UNC5C: variants seen among roughly 807,000 people sequenced by gnomAD.
UNC5C encodes the protein netrin receptor UNC5C.
In UNC5C, 47 loss-of-function variants were observed where a neutral mutation model predicts 99.8. The ratio of observed to expected loss-of-function variants is 0.47; its 90% confidence interval spans 0.37 to 0.60. UNC5C has a LOEUF of 0.60. Among genes scored for constraint, UNC5C ranks in the 20% least tolerant of loss-of-function variants. The pLI, the probability that UNC5C is intolerant of heterozygous loss-of-function variation, is 0.00. For synonymous variants in UNC5C, 487 were observed against 452.2 expected, an observed-to-expected ratio of 1.08 and a Z score of -0.98; for missense variants, 1,062 against 1,165.9, an observed-to-expected ratio of 0.91 and a Z score of 1.30.
intron 1 of UNC5C, among the ~76,000 whole-genome samples, chr4:95,409,289 A>T (rs1173710078): frequency 6.6e-6 from 1 of 152,148 alleles, no homozygotes; most frequent in African/African-American, 2.4e-5. Flanking sequence ...AAATGAAAAT[A>T]TGACTCAGGA....
At chr4:95,377,985 C>G (rs1413273419) in intron 1 of UNC5C, among the ~76,000 whole-genome samples, 1 of 152,120 alleles carries the variant, frequency 6.6e-6, no homozygotes, top group African/African-American at 2.4e-5. Flanking sequence ...TCCTTCCCCA[C>G]CCTCCTTCCA....
chr4:95,303,997 A>C (rs1741967734), intron 2 of UNC5C, among the ~76,000 whole-genome samples: 1 of 152,192 alleles, frequency 6.6e-6, no homozygotes. Flanking sequence ...GACTAAACAC[A>C]CTCAGGGAAA....
chr4:95,507,416 TG>T (rs1377810439), intron 1 of UNC5C, among the ~76,000 whole-genome samples: 2 of 152,094 alleles, frequency 1.3e-5, no homozygotes, highest in Non-Finnish European at 2.9e-5. Context: ...CCCCTCTTCC[TG>T]GTTCTCTTTT....
chr4:95,469,567 A>T (rs891384952), intron 1 of UNC5C, among the ~76,000 whole-genome samples: 15 of 119,530 alleles, frequency 1.3e-4, no homozygotes, highest in Admixed American at 3.1e-4. Context: ...ACGGTTTCAC[A>T]TATTTCCTTT....
At position 95,185,112 on chromosome 4, in the gene UNC5C, G is replaced by T. The variant is rs1339815696; in HGVS notation, c.2221C>A (p.Leu741Met). The change falls in exon 13 of 16, where the codon CTG (leucine) becomes ATG (methionine). Residue 741 changes from leucine to methionine, a missense_variant. By Grantham distance (15) the Leu-to-Met change is conservative. This residue lies in a region of UNC5C where 810 missense variants were observed against 854.5 expected (regional missense o/e 0.95). Coordinates refer to ENST00000453304, the MANE Select transcript of UNC5C (RefSeq NM_003728.4). ...ALHFKGSTHN[L>M]RLSIHDIAHS... ...GCGATATCGTGAATTGACAGGCGCA[G>T]GTTGTGGGTGCTGCCTTTAAAATGA... is the stretch of plus-strand genomic sequence containing the variant. The T allele has an allele frequency of 5.6e-6, 9 of 1,613,972 alleles. No individual in the cohort carries two copies. Among genetic ancestry groups the T allele is most frequent in the Non-Finnish European group, 7.6e-6 (9 of 1,180,046 alleles).
At chr4:95,268,367 T>G (rs551368317) in intron 4 of UNC5C, among the ~76,000 whole-genome samples, 1 of 152,236 alleles carries the variant, frequency 6.6e-6, no homozygotes, top group South Asian at 2.1e-4. Context: ...AAAAGGGCAA[T>G]GTAATGTTTT....
intron 10 of UNC5C, among the ~76,000 whole-genome samples, chr4:95,213,233 T>C (rs931697596): frequency 7.2e-5 from 11 of 152,244 alleles, no homozygotes; most frequent in African/African-American, 2.7e-4. Context: ...CTTTCATATC[T>C]TCAATTCCAA....
chr4:95,232,950 A>T (rs985883647), intron 7 of UNC5C, among the ~76,000 whole-genome samples: 3 of 152,226 alleles, frequency 2.0e-5, no homozygotes, highest in African/African-American at 7.2e-5. Flanking sequence ...TTCCTATCAA[A>T]CTGCTGTGTT....
intron 12 of UNC5C, among the ~76,000 whole-genome samples, chr4:95,198,268 C>T (rs866927605): frequency 2.6e-5 from 4 of 152,056 alleles, no homozygotes; most frequent in Admixed American, 6.6e-5. Flanking sequence ...GGATTACAGG[C>T]GTGAGTCACC....
At chr4:95,376,541 T>C (rs1744900853) in intron 1 of UNC5C, among the ~76,000 whole-genome samples, 1 of 152,164 alleles carries the variant, frequency 6.6e-6, no homozygotes, top group Non-Finnish European at 1.5e-5. Context: ...AAAATCAGTT[T>C]AAATAACTCT....
intron 10 of UNC5C, among the ~76,000 whole-genome samples, chr4:95,210,038 G>GA (rs994809487): frequency 3.3e-5 from 5 of 152,154 alleles, no homozygotes; most frequent in Admixed American, 1.3e-4. Context: ...CTTGAGGCAG[G>GA]AAGGAGGAGG....
At chr4:95,530,080 T>C (rs1447255877) in intron 1 of UNC5C, among the ~76,000 whole-genome samples, 1 of 152,196 alleles carries the variant, frequency 6.6e-6, no homozygotes, top group Non-Finnish European at 1.5e-5. Context: ...AGTTTATTTT[T>C]ATTTAGCTAC....
intron 12 of UNC5C, among the ~76,000 whole-genome samples, chr4:95,199,000 C>T (rs1196387596): frequency 6.6e-6 from 1 of 152,058 alleles, no homozygotes; most frequent in Non-Finnish European, 1.5e-5. Flanking sequence ...TAGATCAGAA[C>T]CTGTGGGAGT....
At chr4:95,207,380 G>T (rs1352416872) in intron 10 of UNC5C, among the ~76,000 whole-genome samples, 2 of 152,090 alleles carry the variant, frequency 1.3e-5, no homozygotes, top group African/African-American at 4.8e-5. Context: ...CTTAAAATGA[G>T]ATCTCTTGTA....
chr4:95,516,317 G>T (rs914472345), intron 1 of UNC5C, among the ~76,000 whole-genome samples: 11 of 152,144 alleles, frequency 7.2e-5, no homozygotes, highest in Admixed American at 5.9e-4. Context: ...TGGACTGGAG[G>T]TTCTAAATAT....
chr4:95,478,438 G>C (rs933504471), intron 1 of UNC5C, among the ~76,000 whole-genome samples: 1 of 151,912 alleles, frequency 6.6e-6, no homozygotes, highest in Non-Finnish European at 1.5e-5. Flanking sequence ...GATTCTAAAC[G>C]TTCTTCCACC....
At chr4:95,327,789 T>G (rs1382589592) in intron 2 of UNC5C, among the ~76,000 whole-genome samples, 1 of 152,010 alleles carries the variant, frequency 6.6e-6, no homozygotes, top group East Asian at 2.0e-4. Flanking sequence ...TCCTTCCAGC[T>G]CCCCTTCTGC....
chr4:95,476,972 T>C (rs974288458), intron 1 of UNC5C, among the ~76,000 whole-genome samples: 16 of 152,052 alleles, frequency 1.1e-4, no homozygotes, highest in Middle Eastern at 3.2e-3. Flanking sequence ...TTTGGACATA[T>C]CCAGAATCTG....
intron 1 of UNC5C, among the ~76,000 whole-genome samples, chr4:95,457,873 G>C (rs1010732616): frequency 6.6e-6 from 1 of 152,056 alleles, no homozygotes; most frequent in Admixed American, 6.6e-5. Context: ...TCTGAACGTC[G>C]GATGAGATGG....
Sources: gnomAD v4.1 joint callset for allele counts (sites outside exome capture counted in the v4.1 genomes callset) on GRCh38, gnomAD v4.1.1 for gene constraint, gnomAD v4.1.1 regional missense constraint, MANE v1.5 for transcripts, NCBI Gene and HGNC (gene_info 2026-07-23, HGNC 2026-07-21) for gene names.